Variants in ZMIZ1 observed in about 807,000 individuals in gnomAD.
ZMIZ1 encodes zinc finger MIZ-type containing 1.
In ZMIZ1, 17 loss-of-function variants were observed where a neutral mutation model predicts 113.9. The observed-to-expected ratio is 0.15, with a 90% confidence interval of 0.10 to 0.22. The LOEUF is 0.22. ZMIZ1 is among the 10% of genes least tolerant of loss of function. The probability of loss-of-function intolerance (pLI) is 1.00; values close to 1 mark genes in which losing one functional copy is unlikely to be tolerated. For missense variants in ZMIZ1, 1,059 were observed against 1,477.8 expected, an observed-to-expected ratio of 0.72 and a Z score of 4.65; for synonymous variants, 607 against 603.1, an observed-to-expected ratio of 1.01 and a Z score of -0.09.
intron 7 of ZMIZ1, among the ~76,000 whole-genome samples, chr10:79,239,090 G>T (rs1413636237): frequency 6.6e-6 from 1 of 152,214 alleles, no homozygotes. Context: ...GATGAGGGGG[G>T]AAAGGGAGTG....
intron 6 of ZMIZ1, among the ~76,000 whole-genome samples, chr10:79,211,066 C>T (rs1004290106): frequency 3.3e-5 from 5 of 152,212 alleles, no homozygotes; most frequent in African/African-American, 7.2e-5. Flanking sequence ...AGTCTAGCTT[C>T]CCTTAGAGCT....
chr10:79,142,414 G>C lies in ZMIZ1; in HGVS notation c.-131+2637G>C, dbSNP rs562795905. On this transcript the variant is annotated intron_variant, in intron 3 of 24. Coordinates refer to ENST00000334512, the MANE Select transcript of ZMIZ1 (RefSeq NM_020338.4). ...GTCACGGGGCACCCAGCCGTTTAGG[G>C]GAGTGAGTGGATAAGGGGTCTGCAG... Among the ~76,000 whole-genome samples the C allele has an allele frequency of 2.0e-5, 3 of 152,242 alleles. No homozygotes were observed. The South Asian group carries it at 6.2e-4, about 32-fold the overall frequency.
At chr10:79,267,484 C>G (rs752369536) in intron 7 of ZMIZ1, among the ~76,000 whole-genome samples, 1 of 152,222 alleles carries the variant, frequency 6.6e-6, no homozygotes, top group Admixed American at 6.5e-5. Flanking sequence ...TACCAACATT[C>G]TATGTATAGT....
chr10:79,157,554 G>C (rs1845949703), intron 3 of ZMIZ1, among the ~76,000 whole-genome samples: 1 of 152,080 alleles, frequency 6.6e-6, no homozygotes, highest in African/African-American at 2.4e-5. Flanking sequence ...TCAATGTCCA[G>C]AGCACCCTGG....
At chr10:79,159,087 G>A (rs150944183) in intron 3 of ZMIZ1, among the ~76,000 whole-genome samples, 10 of 152,312 alleles carry the variant, frequency 6.6e-5, no homozygotes, top group African/African-American at 2.4e-4. Context: ...TGAGCATTGG[G>A]GTCCCTGCCT....
At chr10:79,303,890 G>T (rs1274670181) in intron 18 of ZMIZ1, 125 bp from the exon 19 acceptor site, 5 of 1,361,186 alleles carry the variant, frequency 3.7e-6, no homozygotes, top group Non-Finnish European at 5.1e-6. Flanking sequence ...TCAGCGTTTG[G>T]TGTGGGCTGG....
chr10:79,173,323 T>TAA (rs1376675682), intron 4 of ZMIZ1, among the ~76,000 whole-genome samples: 4 of 152,256 alleles, frequency 2.6e-5, no homozygotes, highest in Non-Finnish European at 4.4e-5. Context: ...TCATCAGCTG[T>TAA]TGTGAGTGTA....
At chr10:79,255,946 G>T (rs1850871894) in intron 7 of ZMIZ1, among the ~76,000 whole-genome samples, 1 of 152,174 alleles carries the variant, frequency 6.6e-6, no homozygotes, top group African/African-American at 2.4e-5. Flanking sequence ...CCCCCAAATT[G>T]GTTTAAGTGG....
At chr10:79,238,644 G>A (rs1849691622) in intron 7 of ZMIZ1, among the ~76,000 whole-genome samples, 1 of 152,210 alleles carries the variant, frequency 6.6e-6, no homozygotes, top group Non-Finnish European at 1.5e-5. Context: ...GTGTGACCTG[G>A]AGGTCACCTT....
intron 2 of ZMIZ1, among the ~76,000 whole-genome samples, chr10:79,133,138 C>T (rs528043955): frequency 1.4e-4 from 21 of 152,310 alleles, no homozygotes; most frequent in African/African-American, 4.3e-4. Flanking sequence ...CACCCACCCC[C>T]TAGTACACTC....
chr10:79,299,447 G>A (rs560312196), intron 16 of ZMIZ1, among the ~76,000 whole-genome samples: 2 of 152,368 alleles, frequency 1.3e-5, no homozygotes, highest in South Asian at 2.1e-4. Context: ...AAAGGTGGCT[G>A]GCTCAGACCT....
chr10:79,165,418 C>T lies in ZMIZ1; in HGVS notation c.-50+3285C>T, dbSNP rs185728568. On this transcript the variant is annotated intron_variant, in intron 4 of 24. Coordinates refer to ENST00000334512, the MANE Select transcript of ZMIZ1 (RefSeq NM_020338.4). ...AGTAGTGGCTCTGGGAGACTCAGAGCTTCCAGAGGGAGGGAGGGAGGAGGG... is the reference window on the plus strand; with the variant it reads ...AGTAGTGGCTCTGGGAGACTCAGAGTTTCCAGAGGGAGGGAGGGAGGAGGG... Among the ~76,000 whole-genome samples the T allele has an allele frequency of 2.5e-3, 384 of 152,260 alleles. 1 individual carries two copies. The highest frequency in any genetic ancestry group is 8.5e-3 in the African/African-American group (355 of 41,556).
Position 79,118,440 on chromosome 10 carries a change from C to T in ZMIZ1, c.-336-475C>T, listed in dbSNP as rs960766268. ...GGAAGCGGGAGGAGGCAAGGTTGGC[C>T]AGGCGCACAGCCCACTGGAGATGAA... On this transcript the variant is annotated intron_variant, in intron 1 of 24. Transcript: ENST00000334512. The surrounding 1 kb of genome is among the most constrained non-coding windows in gnomAD (Gnocchi z 4.1). Among the ~76,000 whole-genome samples the T allele has an allele frequency of 2.0e-5, 3 of 152,200 alleles. No homozygotes were observed. The highest frequency in any genetic ancestry group is 7.2e-5 in the African/African-American group (3 of 41,454).
At chr10:79,138,009 G>A (rs1269553987) in intron 2 of ZMIZ1, among the ~76,000 whole-genome samples, 1 of 152,112 alleles carries the variant, frequency 6.6e-6, no homozygotes, top group African/African-American at 2.4e-5. Flanking sequence ...TCCCCATCCC[G>A]ACCCCCACAC....
At chr10:79,093,763 C>T (rs1354909251) in intron 1 of ZMIZ1, among the ~76,000 whole-genome samples, 1 of 152,238 alleles carries the variant, frequency 6.6e-6, no homozygotes, top group Non-Finnish European at 1.5e-5. Context: ...TATGCACACC[C>T]TCCCATGCCC....
chr10:79,181,382 G>A (rs1369663601), intron 4 of ZMIZ1, among the ~76,000 whole-genome samples: 4 of 152,220 alleles, frequency 2.6e-5, no homozygotes, highest in Admixed American at 6.5e-5. Flanking sequence ...CACTGGTGCC[G>A]TTTGTAGCCT....
chr10:79,127,355 C>A (rs1011476217), intron 2 of ZMIZ1, among the ~76,000 whole-genome samples: 1 of 152,198 alleles, frequency 6.6e-6, no homozygotes, highest in Non-Finnish European at 1.5e-5. Context: ...GCCATGGGCT[C>A]CTTGGACTAC....
chr10:79,226,146 C>T (rs1429640277), intron 7 of ZMIZ1, among the ~76,000 whole-genome samples: 2 of 152,172 alleles, frequency 1.3e-5, no homozygotes, highest in Admixed American at 1.3e-4. Flanking sequence ...CACAGCCCTT[C>T]ACCCTCCCTT....
At chr10:79,254,368 C>T (rs906573228) in intron 7 of ZMIZ1, among the ~76,000 whole-genome samples, 5 of 152,208 alleles carry the variant, frequency 3.3e-5, no homozygotes, top group African/African-American at 9.6e-5. Flanking sequence ...GCCCTGGCTG[C>T]CTTTGGGGAC....
Sources: gnomAD v4.1 joint callset for allele counts (sites outside exome capture counted in the v4.1 genomes callset) on GRCh38, gnomAD v4.1.1 for gene constraint, Gnocchi (gnomAD v3.1) non-coding constraint, MANE v1.5 for transcripts, NCBI Gene and HGNC (gene_info 2026-07-23, HGNC 2026-07-21) for gene names.